WDR70: variants seen among roughly 807,000 people sequenced by gnomAD.
WDR70 encodes WD repeat domain 70.
In WDR70, 53 loss-of-function variants were observed where a neutral mutation model predicts 88.6. The observed-to-expected ratio is 0.60, with a 90% CI of 0.48 to 0.75. The LOEUF (loss-of-function observed/expected upper bound fraction) is 0.75. Ranked by LOEUF, WDR70 falls within the 30% of genes least tolerant of loss-of-function variation. WDR70 has a pLI of 0.00. For synonymous variants in WDR70, 280 were observed against 270.0 expected, an observed-to-expected ratio of 1.04 and a Z score of -0.36; for missense variants, 610 against 823.2, an observed-to-expected ratio of 0.74 and a Z score of 3.17.
intron 8 of WDR70, among the ~76,000 whole-genome samples, chr5:37,490,449 T>C (rs1480537768): frequency 6.6e-6 from 1 of 152,124 alleles, no homozygotes; most frequent in African/African-American, 2.4e-5. Context: ...CATCTCAGTC[T>C]CTGGAGAGCA....
At chr5:37,403,784 T>C (rs1749272363) in intron 5 of WDR70, among the ~76,000 whole-genome samples, 2 of 152,172 alleles carry the variant, frequency 1.3e-5, no homozygotes, top group South Asian at 2.1e-4. Flanking sequence ...GTGAATTTTT[T>C]TGACTCTCAT....
chr5:37,633,258 A>C (rs543111442), intron 10 of WDR70, among the ~76,000 whole-genome samples: 1 of 152,296 alleles, frequency 6.6e-6, no homozygotes, highest in African/African-American at 2.4e-5. Context: ...TCCAAATGCT[A>C]TCTCTTAAAT....
chr5:37,498,927 G>A (rs1268245885), intron 8 of WDR70, among the ~76,000 whole-genome samples: 2 of 152,154 alleles, frequency 1.3e-5, no homozygotes, highest in African/African-American at 4.8e-5. Context: ...CTTCCAAAGT[G>A]GCTAGACCAT....
At chr5:37,519,004 G>A (rs1228783421) in intron 9 of WDR70, among the ~76,000 whole-genome samples, 1 of 151,914 alleles carries the variant, frequency 6.6e-6, no homozygotes, top group East Asian at 1.9e-4. Flanking sequence ...CGGGGTTGGG[G>A]GTAAGGTTAT....
At chr5:37,502,628 C>T (rs560910342) in intron 8 of WDR70, among the ~76,000 whole-genome samples, 6 of 152,074 alleles carry the variant, frequency 3.9e-5, no homozygotes, top group South Asian at 4.2e-4. Flanking sequence ...CTTGCATTGC[C>T]GAAAAGAAAT....
chr5:37,730,453 T>C (rs913280226), intron 17 of WDR70, among the ~76,000 whole-genome samples: 4 of 152,028 alleles, frequency 2.6e-5, no homozygotes. Flanking sequence ...TGATTTGCTT[T>C]TTTTTTGGCT....
chr5:37,558,904 A>G (rs1183223442), intron 9 of WDR70, among the ~76,000 whole-genome samples: 1 of 150,152 alleles, frequency 6.7e-6, no homozygotes, highest in Non-Finnish European at 1.5e-5. Flanking sequence ...ACTTACTGTC[A>G]TAATTTGGTG....
intron 9 of WDR70, among the ~76,000 whole-genome samples, chr5:37,592,281 A>G (rs1040290499): frequency 1.3e-5 from 2 of 152,224 alleles, no homozygotes; most frequent in African/African-American, 4.8e-5. Flanking sequence ...CAGTGTGTGT[A>G]CATTGAACCA....
intron 9 of WDR70, among the ~76,000 whole-genome samples, chr5:37,554,769 T>C (rs923072123): frequency 6.6e-6 from 1 of 151,914 alleles, no homozygotes; most frequent in African/African-American, 2.4e-5. Flanking sequence ...TTCACAGGTG[T>C]AATCATAGTG....
chr5:37,584,735 A>G (rs1743317008), intron 9 of WDR70, among the ~76,000 whole-genome samples: 2 of 151,942 alleles, frequency 1.3e-5, no homozygotes, highest in Non-Finnish European at 1.5e-5. Context: ...GCAGATACCC[A>G]AGAAGAAGTT....
chr5:37,646,903 C>G (rs1745255667), intron 10 of WDR70, among the ~76,000 whole-genome samples: 1 of 152,044 alleles, frequency 6.6e-6, no homozygotes, highest in Non-Finnish European at 1.5e-5. Context: ...TGATATATTT[C>G]TCTTGGGTTG....
intron 17 of WDR70, among the ~76,000 whole-genome samples, chr5:37,749,003 T>G (rs1203471834): frequency 1.3e-5 from 2 of 152,172 alleles, no homozygotes; most frequent in African/African-American, 4.8e-5. Flanking sequence ...TTTTATACTG[T>G]TGGTGGGAAT....
intron 10 of WDR70, among the ~76,000 whole-genome samples, chr5:37,646,636 C>G (rs1216797369): frequency 1.3e-5 from 2 of 152,120 alleles, no homozygotes; most frequent in African/African-American, 4.8e-5. Context: ...ACTGTCCATA[C>G]TATTCTAGGG....
chr5:37,567,194 A>C (rs948715091), intron 9 of WDR70, among the ~76,000 whole-genome samples: 4 of 152,190 alleles, frequency 2.6e-5, no homozygotes, highest in Non-Finnish European at 4.4e-5. Context: ...GGCTCATGGA[A>C]AATGAGTATC....
At chr5:37,396,779 C>T (rs570958806) in intron 5 of WDR70, among the ~76,000 whole-genome samples, 109 of 151,532 alleles carry the variant, frequency 7.2e-4, no homozygotes, top group Middle Eastern at 6.8e-3. Context: ...TGCAATGAGC[C>T]AAGATTGTGC....
intron 13 of WDR70, among the ~76,000 whole-genome samples, chr5:37,706,643 C>T (rs1408800435): frequency 6.6e-6 from 1 of 151,958 alleles, no homozygotes; most frequent in Non-Finnish European, 1.5e-5. Flanking sequence ...AACTGCGAGT[C>T]AATTAAACCT....
chr5:37,551,355 T>C (rs1025275549), intron 9 of WDR70, among the ~76,000 whole-genome samples: 1 of 151,956 alleles, frequency 6.6e-6, no homozygotes, highest in African/African-American at 2.4e-5. Context: ...TAGTGAAGAC[T>C]GTGCCTTAAC....
At chr5:37,384,742 G>A (rs1002476542) in intron 3 of WDR70, among the ~76,000 whole-genome samples, 1 of 149,956 alleles carries the variant, frequency 6.7e-6, no homozygotes, top group Non-Finnish European at 1.5e-5. Context: ...TGATCCACCT[G>A]TCTTGGCCTT....
At chr5:37,439,243 T>A (rs1750577782) in intron 6 of WDR70, among the ~76,000 whole-genome samples, 1 of 151,970 alleles carries the variant, frequency 6.6e-6, no homozygotes, top group Admixed American at 6.6e-5. Flanking sequence ...ACTTTAAGAG[T>A]GTAAAGAGTC....
Sources: allele counts gnomAD v4.1 joint callset (sites outside exome capture counted in the v4.1 genomes callset), GRCh38; gene constraint gnomAD v4.1.1; transcripts MANE v1.5; gene names NCBI Gene and HGNC (gene_info 2026-07-23, HGNC 2026-07-21).